SNTG1: variants seen among roughly 807,000 people sequenced by gnomAD.
The protein encoded by SNTG1 is syntrophin gamma 1, also known as gamma-1-syntrophin.
In SNTG1, 39 loss-of-function variants were observed where a neutral mutation model predicts 74.7. The observed-to-expected ratio is 0.52, with a 90% CI of 0.40 to 0.68. The LOEUF is 0.68. Ranked by LOEUF, SNTG1 falls within the 30% of genes least tolerant of loss-of-function variation. The pLI is 0.00. For missense variants in SNTG1, 685 were observed against 609.5 expected, an observed-to-expected ratio of 1.12 and a Z score of -1.30; for synonymous variants, 254 against 217.1, an observed-to-expected ratio of 1.17 and a Z score of -1.49.
chr8:50,716,395 A>T (rs1288711383), intron 17 of SNTG1, among the ~76,000 whole-genome samples: 3 of 152,090 alleles, frequency 2.0e-5, no homozygotes, highest in Non-Finnish European at 4.4e-5. Flanking sequence ...TTAGCATTTT[A>T]AAATTATATA....
chr8:50,044,805 A>G (rs1178065600), intron 1 of SNTG1, among the ~76,000 whole-genome samples: 2 of 152,258 alleles, frequency 1.3e-5, no homozygotes, highest in African/African-American at 4.8e-5. Flanking sequence ...TCACAAGGAC[A>G]GAAAAATGTA....
chr8:49,943,358 T>C (rs1202230387), intron 1 of SNTG1, among the ~76,000 whole-genome samples: 1 of 152,240 alleles, frequency 6.6e-6, no homozygotes, highest in African/African-American at 2.4e-5. Context: ...AGATGAAATG[T>C]ATGTTCTAGT....
chr8:50,331,758 C>T (rs549429586), intron 2 of SNTG1, among the ~76,000 whole-genome samples: 12 of 152,114 alleles, frequency 7.9e-5, no homozygotes, highest in Non-Finnish European at 1.6e-4. Context: ...GTACAATGGA[C>T]AGATTTGCCA....
At chr8:50,650,217 A>G (rs2095136273) in intron 13 of SNTG1, among the ~76,000 whole-genome samples, 1 of 152,026 alleles carries the variant, frequency 6.6e-6, no homozygotes, top group African/African-American at 2.4e-5. Flanking sequence ...TACATGTTGA[A>G]TTTCATCATT....
At chr8:50,098,007 GA>G (rs1480446722) in intron 1 of SNTG1, among the ~76,000 whole-genome samples, 23 of 152,032 alleles carry the variant, frequency 1.5e-4, no homozygotes, top group Admixed American at 1.4e-3. Context: ...AAAAGCAATT[GA>G]ATTTTTTCTA....
At chr8:50,485,134 G>T (rs1484586528) in intron 8 of SNTG1, among the ~76,000 whole-genome samples, 1 of 152,098 alleles carries the variant, frequency 6.6e-6, no homozygotes, top group Non-Finnish European at 1.5e-5. Context: ...AGTCATTGGT[G>T]GTCTCTGAGA....
In SNTG1 at chr8:49,911,621, G is replaced by GA. The variant is rs572797312; in HGVS notation, c.-711dup. On this transcript the variant is annotated 5_prime_UTR_variant, in exon 1 of 19. Coordinates refer to ENST00000642720, the MANE Select transcript of SNTG1 (RefSeq NM_018967.5). ...GGAGAAGGCTAGGGCGGAAGACAAG[G>GA]AAGCTGCTGCTTGGATTCGCTGGTG... The GA allele has an allele frequency of 6.6e-6, 1 of 152,210 alleles. No individual in the cohort carries two copies. Among genetic ancestry groups the GA allele is most frequent in the Non-Finnish European group, 1.5e-5 (1 of 68,102 alleles). 9.4% of individuals were successfully genotyped at this position (152,210 alleles called of 1,614,324 possible).
intron 1 of SNTG1, among the ~76,000 whole-genome samples, chr8:49,991,561 A>G (rs763242856): frequency 6.6e-6 from 1 of 152,222 alleles, no homozygotes; most frequent in Non-Finnish European, 1.5e-5. Flanking sequence ...GATAAACAAA[A>G]TATGGTACAT....
chr8:50,147,413 T>C (rs2081910716), intron 1 of SNTG1, among the ~76,000 whole-genome samples: 1 of 152,216 alleles, frequency 6.6e-6, no homozygotes, highest in Admixed American at 6.5e-5. Context: ...AAAAGAATTA[T>C]AGAATTAAAG....
intron 1 of SNTG1, among the ~76,000 whole-genome samples, chr8:50,150,176 A>T (rs935744237): frequency 1.2e-4 from 19 of 152,200 alleles, no homozygotes; most frequent in African/African-American, 4.3e-4. Context: ...GTGTTCACTC[A>T]GGATTTGGTT....
chr8:50,500,015 T>C (rs2093937508), intron 8 of SNTG1, among the ~76,000 whole-genome samples: 2 of 152,050 alleles, frequency 1.3e-5, no homozygotes, highest in South Asian at 4.1e-4. Flanking sequence ...AATATTTTTA[T>C]TATGATGTGT....
chr8:50,684,792 T>C (rs951782462), intron 15 of SNTG1, among the ~76,000 whole-genome samples: 6 of 150,808 alleles, frequency 4.0e-5, no homozygotes, highest in Non-Finnish European at 8.9e-5. Flanking sequence ...ATTGTACAGG[T>C]TAGTTACATA....
At chr8:50,769,372 G>A (rs1445793982) in intron 18 of SNTG1, among the ~76,000 whole-genome samples, 3 of 151,870 alleles carry the variant, frequency 2.0e-5, no homozygotes, top group Non-Finnish European at 4.4e-5. Context: ...ACCCAAGTAA[G>A]AACATTTTGA....
intron 1 of SNTG1, among the ~76,000 whole-genome samples, chr8:49,916,903 T>C (rs1239828767): frequency 6.6e-6 from 1 of 151,824 alleles, no homozygotes; most frequent in African/African-American, 2.4e-5. Flanking sequence ...AATGTGCCTG[T>C]AGTCTCAGCT....
intron 1 of SNTG1, among the ~76,000 whole-genome samples, chr8:50,085,500 G>T (rs982706766): frequency 6.6e-6 from 1 of 152,170 alleles, no homozygotes; most frequent in African/African-American, 2.4e-5. Flanking sequence ...CAAAGATAAG[G>T]CTCTATGCAC....
chr8:50,336,343 C>T (rs2091141503), intron 2 of SNTG1, among the ~76,000 whole-genome samples: 1 of 152,150 alleles, frequency 6.6e-6, no homozygotes, highest in Admixed American at 6.5e-5. Flanking sequence ...GTCAATTCCC[C>T]ATGTTTCTGT....
At chr8:50,731,339 G>A (rs1043716394) in intron 17 of SNTG1, among the ~76,000 whole-genome samples, 4 of 152,076 alleles carry the variant, frequency 2.6e-5, no homozygotes, top group African/African-American at 9.7e-5. Flanking sequence ...ATCCTAGAGT[G>A]CATGAACTTT....
chr8:50,290,606 A>C (rs2089040895), intron 2 of SNTG1, among the ~76,000 whole-genome samples: 2 of 152,184 alleles, frequency 1.3e-5, no homozygotes, highest in Non-Finnish European at 2.9e-5. Context: ...TATAGTCATT[A>C]GTATAGCACA....
intron 18 of SNTG1, among the ~76,000 whole-genome samples, chr8:50,779,607 A>G (rs2095652327): frequency 6.6e-6 from 1 of 150,762 alleles, no homozygotes; most frequent in South Asian, 2.1e-4. Context: ...TTTTGGGCTG[A>G]GACAATGGGG....
Sources: allele counts gnomAD v4.1 joint callset (sites outside exome capture counted in the v4.1 genomes callset), GRCh38; gene constraint gnomAD v4.1.1; transcripts MANE v1.5; gene names NCBI Gene and HGNC (gene_info 2026-07-23, HGNC 2026-07-21).